The following SRBD1 variants were observed in gnomAD, a reference collection of about 807,000 sequenced individuals.
SRBD1 encodes the protein S1 RNA-binding domain-containing protein 1.
In SRBD1, 88 loss-of-function variants were observed where a neutral mutation model predicts 115.3. That is an observed-to-expected ratio of 0.76 (90% CI 0.64 to 0.91). The LOEUF (loss-of-function observed/expected upper bound fraction) is 0.91. Ranked by LOEUF, SRBD1 falls within the 40% of genes least tolerant of loss-of-function variation. The pLI, the probability that SRBD1 is intolerant of heterozygous loss-of-function variation, is 0.00. For missense variants in SRBD1, 1,385 were observed against 1,177.4 expected (o/e 1.18, Z -2.58); for synonymous variants, 509 against 407.7 (o/e 1.25, Z -2.99).
intron 19 of SRBD1, among the ~76,000 whole-genome samples, chr2:45,397,222 A>G (rs1667171556): frequency 6.6e-6 from 1 of 152,220 alleles, no homozygotes; most frequent in Non-Finnish European, 1.5e-5. Flanking sequence ...CTGGCCTTCT[A>G]AAAAACTATG....
At chr2:45,436,293 C>T (rs189244028) in intron 16 of SRBD1, among the ~76,000 whole-genome samples, 122 of 152,270 alleles carry the variant, frequency 8.0e-4, no homozygotes, top group Admixed American at 2.2e-3. Flanking sequence ...AAAAACCCTA[C>T]AGCTAACATA....
intron 14 of SRBD1, among the ~76,000 whole-genome samples, chr2:45,526,455 G>A (rs1372360184): frequency 6.6e-6 from 1 of 151,958 alleles, no homozygotes; most frequent in Admixed American, 6.6e-5. Context: ...AGTAGGGAAG[G>A]TGAGAATGCG....
chr2:45,466,158 TTG>T (rs1335322192), intron 16 of SRBD1, among the ~76,000 whole-genome samples: 1 of 152,142 alleles, frequency 6.6e-6, no homozygotes, highest in Admixed American at 6.6e-5. Flanking sequence ...AGCTGTTCTT[TTG>T]TGTGTGTTGA....
intron 16 of SRBD1, among the ~76,000 whole-genome samples, chr2:45,466,207 G>C (rs1016071975): frequency 6.6e-6 from 1 of 152,158 alleles, no homozygotes; most frequent in Admixed American, 6.5e-5. Flanking sequence ...CTGCTTCACA[G>C]AGAAGATAAG....
chr2:45,586,660 C>G (rs1673532733), intron 4 of SRBD1, among the ~76,000 whole-genome samples: 1 of 151,726 alleles, frequency 6.6e-6, no homozygotes, highest in Non-Finnish European at 1.5e-5. Context: ...ATCCTCCAGC[C>G]TCAGCCTCCA....
chr2:45,588,635 G>C (rs1207263577), intron 4 of SRBD1, among the ~76,000 whole-genome samples: 1 of 152,184 alleles, frequency 6.6e-6, no homozygotes, highest in Non-Finnish European at 1.5e-5. Context: ...TCTACAGCAT[G>C]AGGCTCAAGG....
intron 14 of SRBD1, among the ~76,000 whole-genome samples, chr2:45,518,568 T>C (rs921283677): frequency 6.6e-6 from 1 of 152,172 alleles, no homozygotes; most frequent in African/African-American, 2.4e-5. Context: ...CCTTGTTACA[T>C]GGAAACCATG....
chr2:45,478,964 C>T (rs189949047), intron 15 of SRBD1, among the ~76,000 whole-genome samples: 2 of 152,172 alleles, frequency 1.3e-5, no homozygotes, highest in Non-Finnish European at 2.9e-5. Context: ...CACTTCTGGT[C>T]ACTGTGTTAC....
chr2:45,599,797 G>A lies in SRBD1; in HGVS notation c.300C>T (p.Asp100=). The part of the protein sequence containing the change: ...SVAIADTALE[D]RKNKLDTVQT... The stretch of plus-strand genomic sequence containing the variant: ...GTACAGTATCCAATTTATTTTTTCT[G>A]TCTTCTAAAGCAGTATCAGCAATAG... The change falls in exon 4 of 21, where the codon GAC becomes GAT. Residue 100 remains aspartate (D), a synonymous_variant. Transcript: ENST00000263736. 6.2e-7 allele frequency: 1 copy of A among 1,613,718 alleles called. No individual in the cohort carries two copies. Among genetic ancestry groups the A allele is most frequent in the Non-Finnish European group, 8.5e-7 (1 of 1,179,980 alleles).
chr2:45,559,214 T>C (rs1329246805), intron 10 of SRBD1, among the ~76,000 whole-genome samples: 4 of 152,234 alleles, frequency 2.6e-5, no homozygotes, highest in Non-Finnish European at 4.4e-5. Flanking sequence ...GTGGCCTGAG[T>C]GATCTTAAAA....
chr2:45,553,875 T>C (rs1452095075), intron 10 of SRBD1, 145 bp from the exon 11 acceptor site: 4 of 449,772 alleles, frequency 8.9e-6, no homozygotes, highest in Non-Finnish European at 1.6e-5. Flanking sequence ...GGAAAGGCTG[T>C]GGTATCTGAA....
intron 14 of SRBD1, among the ~76,000 whole-genome samples, chr2:45,500,175 G>C (rs1267636121): frequency 6.6e-6 from 1 of 151,070 alleles, no homozygotes; most frequent in South Asian, 2.1e-4. Flanking sequence ...TCTTTCACCA[G>C]TATTTTATAG....
At chr2:45,504,889 G>A (rs557093160) in intron 14 of SRBD1, among the ~76,000 whole-genome samples, 26 of 152,156 alleles carry the variant, frequency 1.7e-4, no homozygotes, top group Non-Finnish European at 2.8e-4. Flanking sequence ...CAATTTCCTC[G>A]TGAAGTCTTT....
At chr2:45,470,860 C>T (rs1669628193) in intron 16 of SRBD1, among the ~76,000 whole-genome samples, 1 of 152,174 alleles carries the variant, frequency 6.6e-6, no homozygotes, top group Admixed American at 6.6e-5. Flanking sequence ...TTTAAAATCA[C>T]CTCTCCCCAT....
chr2:45,411,748 T>C (rs554476452), intron 19 of SRBD1, among the ~76,000 whole-genome samples: 1 of 152,338 alleles, frequency 6.6e-6, no homozygotes, highest in Admixed American at 6.5e-5. Flanking sequence ...TAGTTAATTA[T>C]ATGAATGCTT....
intron 14 of SRBD1, among the ~76,000 whole-genome samples, chr2:45,509,457 G>A (rs1176040566): frequency 1.6e-4 from 25 of 151,988 alleles, no homozygotes; most frequent in African/African-American, 5.3e-4. Context: ...TTAGCCGGGC[G>A]CGGTGGTGGG....
At chr2:45,502,597 C>A (rs560643255) in intron 14 of SRBD1, among the ~76,000 whole-genome samples, 1 of 151,540 alleles carries the variant, frequency 6.6e-6, no homozygotes, top group East Asian at 1.9e-4. Context: ...AACCATACAC[C>A]GCATGTTCTC....
intron 1 of SRBD1, among the ~76,000 whole-genome samples, chr2:45,610,985 T>C (rs1674431615): frequency 6.6e-6 from 1 of 151,486 alleles, no homozygotes; most frequent in Admixed American, 6.6e-5. Flanking sequence ...CGCTAAGAGC[T>C]GCAGCAATTT....
intron 16 of SRBD1, among the ~76,000 whole-genome samples, chr2:45,424,599 T>C (rs961072005): frequency 1.3e-5 from 2 of 152,192 alleles, no homozygotes; most frequent in African/African-American, 4.8e-5. Context: ...TAACTTACAA[T>C]CAGTAGTAAA....
Sources: allele counts gnomAD v4.1 joint callset (sites outside exome capture counted in the v4.1 genomes callset), GRCh38; gene constraint gnomAD v4.1.1; transcripts MANE v1.5; gene names NCBI Gene and HGNC (gene_info 2026-07-23, HGNC 2026-07-21).